The following IRF2 variants were observed in gnomAD, a reference collection of about 807,000 sequenced individuals.
IRF2 encodes the protein interferon regulatory factor 2.
In IRF2, 15 loss-of-function variants were observed where a neutral mutation model predicts 40.6. The ratio of observed to expected loss-of-function variants is 0.37; its 90% CI spans 0.25 to 0.57. The LOEUF (loss-of-function observed/expected upper bound fraction) is 0.57. Among genes scored for constraint, IRF2 ranks in the 20% least tolerant of loss-of-function variants. The pLI, the probability that IRF2 is intolerant of heterozygous loss-of-function variation, is 0.77. For missense variants in IRF2, 317 were observed against 455.7 expected, an observed-to-expected ratio of 0.70 and a Z score of 2.77; for synonymous variants, 151 against 165.5, an observed-to-expected ratio of 0.91 and a Z score of 0.67.
intron 7 of IRF2, among the ~76,000 whole-genome samples, chr4:184,392,166 C>T (rs1203521000): frequency 6.6e-6 from 1 of 152,200 alleles, no homozygotes; most frequent in Non-Finnish European, 1.5e-5. Context: ...TCACAGAGGG[C>T]AGAGCCTGTG....
intron 5 of IRF2, among the ~76,000 whole-genome samples, chr4:184,416,336 A>G (rs1327070622): frequency 6.6e-6 from 1 of 151,430 alleles, no homozygotes; most frequent in Non-Finnish European, 1.5e-5. Context: ...AACAAAAAAA[A>G]AAAAAAACGA....
Position 184,406,957 on chromosome 4 carries a change from G to A in IRF2, c.529+1201C>T, listed in dbSNP as rs116824335. Reference sequence around the variant, plus strand: ...CCAACTCCATGACTTCCTAATTGCCGTATGTCTAGTCACTACAGACTGCTC... The same window carrying A: ...CCAACTCCATGACTTCCTAATTGCCATATGTCTAGTCACTACAGACTGCTC... On this transcript the variant is annotated intron_variant, in intron 6 of 8. Coordinates refer to ENST00000393593, the MANE Select transcript of IRF2 (RefSeq NM_002199.4). Among the ~76,000 whole-genome samples, 1,448 of 152,282 alleles carry A rather than the reference G, an allele frequency of 9.5e-3. 9 individuals carry two copies. Among genetic ancestry groups the A allele is most frequent in the Non-Finnish European group, 0.014 (957 of 68,028 alleles).
At chr4:184,399,886 A>C (rs1399888734) in intron 6 of IRF2, among the ~76,000 whole-genome samples, 2 of 152,270 alleles carry the variant, frequency 1.3e-5, no homozygotes, top group East Asian at 3.8e-4. Context: ...AGATCATTGT[A>C]AACTCACATA....
chr4:184,397,848 G>C (rs3775549), intron 7 of IRF2, among the ~76,000 whole-genome samples: 7,481 of 152,242 alleles, frequency 0.049, 213 homozygotes, highest in African/African-American at 0.061. Flanking sequence ...ATTCAATGGA[G>C]ATCATCAGGA....
intron 7 of IRF2, among the ~76,000 whole-genome samples, chr4:184,398,182 G>GC (rs1465645300): frequency 6.6e-6 from 1 of 152,140 alleles, no homozygotes; most frequent in Admixed American, 6.5e-5. Context: ...ACGACCCTGC[G>GC]CAAGCCCCTT....
At position 184,388,677 on chromosome 4, in the gene IRF2, T is replaced by A. The variant is rs1436646309; in HGVS notation, c.*81A>T. On this transcript the variant is annotated 3_prime_UTR_variant, in exon 9 of 9. Transcript: ENST00000393593. The surrounding 1 kb of genome is among the most constrained non-coding windows in gnomAD (Gnocchi z 4.6). ...CCCTTAGATTTGTCTAAAATAGGTG[T>A]CAGAGAGAAAAAAATAAAATACAAA... 1 of 1,412,874 alleles carries A rather than the reference T, an allele frequency of 7.1e-7. No individual in the cohort carries two copies. The highest frequency in any genetic ancestry group is 1.3e-5 in the South Asian group (1 of 77,478). The allele number at this position is 1,412,874 out of a possible 1,614,324, so 87.5% of individuals were successfully genotyped here.
At chr4:184,403,299 G>A (rs1355153066) in intron 6 of IRF2, among the ~76,000 whole-genome samples, 1 of 152,090 alleles carries the variant, frequency 6.6e-6, no homozygotes, top group East Asian at 1.9e-4. Flanking sequence ...CATGTGAACT[G>A]ATTTCCCTGG....
chr4:184,458,403 G>C (rs537942751), intron 1 of IRF2, among the ~76,000 whole-genome samples: 17 of 152,164 alleles, frequency 1.1e-4, no homozygotes, highest in Non-Finnish European at 1.8e-4. Flanking sequence ...CATCTTCGCA[G>C]CATAGGGCTT....
intron 7 of IRF2, among the ~76,000 whole-genome samples, chr4:184,397,385 T>G (rs1736506115): frequency 6.6e-6 from 1 of 152,136 alleles, no homozygotes; most frequent in African/African-American, 2.4e-5. Flanking sequence ...AGAGTTTCAG[T>G]TTCGCAAGAT....
At chr4:184,438,375 A>T (rs1738165595) in intron 1 of IRF2, among the ~76,000 whole-genome samples, 1 of 152,178 alleles carries the variant, frequency 6.6e-6, no homozygotes, top group African/African-American at 2.4e-5. Flanking sequence ...AGCACTTTTA[A>T]CTTAATTTTA....
chr4:184,406,142 G>C (rs1013872938), intron 6 of IRF2, among the ~76,000 whole-genome samples: 1 of 152,104 alleles, frequency 6.6e-6, no homozygotes, highest in African/African-American at 2.4e-5. Context: ...TCAGCTTCCA[G>C]GAAGAAGGCA....
chr4:184,418,433 T>G, intron 4 of IRF2, 99 bp downstream of exon 4: 9 of 1,188,542 alleles, frequency 7.6e-6, no homozygotes, highest in Non-Finnish European at 9.9e-6. Flanking sequence ...GAACAGGCTA[T>G]TCTACCTGCA....
At chr4:184,467,743 T>C (rs905003407) in intron 1 of IRF2, among the ~76,000 whole-genome samples, 1 of 152,234 alleles carries the variant, frequency 6.6e-6, no homozygotes, top group African/African-American at 2.4e-5. Flanking sequence ...TTAAAGTGTA[T>C]ACTCATCTCT....
intron 6 of IRF2, among the ~76,000 whole-genome samples, chr4:184,403,101 T>C (rs1736726803): frequency 6.6e-6 from 1 of 152,128 alleles, no homozygotes; most frequent in East Asian, 1.9e-4. Context: ...TAGGAGTGTG[T>C]TGCTTTATGC....
At chr4:184,395,974 C>T (rs1401560855) in intron 7 of IRF2, among the ~76,000 whole-genome samples, 2 of 152,204 alleles carry the variant, frequency 1.3e-5, no homozygotes, top group South Asian at 2.1e-4. Context: ...CCCAAGAAGA[C>T]CTCAGAAAAG....
chr4:184,440,435 A>G (rs1026153469), intron 1 of IRF2, among the ~76,000 whole-genome samples: 1 of 152,230 alleles, frequency 6.6e-6, no homozygotes, highest in Non-Finnish European at 1.5e-5. Flanking sequence ...CAACGTTAAC[A>G]TGGGATTCCA....
At chr4:184,430,206 AG>A (rs1737822139) in intron 1 of IRF2, among the ~76,000 whole-genome samples, 1 of 152,022 alleles carries the variant, frequency 6.6e-6, no homozygotes, top group African/African-American at 2.4e-5. Context: ...CCCTGCGCCC[AG>A]AACATGCCAG....
chr4:184,444,630 T>C (rs1245776501), intron 1 of IRF2, among the ~76,000 whole-genome samples: 4 of 152,216 alleles, frequency 2.6e-5, no homozygotes, highest in Admixed American at 2.6e-4. Context: ...AGTGGGAAGA[T>C]GTTTAAAGAA....
chr4:184,413,234 T>G lies in IRF2; in HGVS notation c.411+4933A>C, dbSNP rs1488006900. ...CGGTGAGAAAGGCCTCCCTTACATA[T>G]CAATTCCCGCCTGCTCTAAGTGTGC... On this transcript the variant is annotated intron_variant, in intron 5 of 8. Coordinates refer to ENST00000393593, the MANE Select transcript of IRF2 (RefSeq NM_002199.4). This position sits in a 1 kb window ranked among gnomAD's most constrained non-coding sequence, Gnocchi z 4.2. Among the ~76,000 whole-genome samples, 1 of 152,124 alleles carries G rather than the reference T, an allele frequency of 6.6e-6. No homozygotes were observed. Among genetic ancestry groups the G allele is most frequent in the Non-Finnish European group, 1.5e-5 (1 of 68,018 alleles).
Sources: allele counts gnomAD v4.1 joint callset (sites outside exome capture counted in the v4.1 genomes callset), GRCh38; gene constraint gnomAD v4.1.1; non-coding constraint Gnocchi (gnomAD v3.1); transcripts MANE v1.5; gene names NCBI Gene and HGNC (gene_info 2026-07-23, HGNC 2026-07-21).